Variants in KCTD20 observed in about 807,000 individuals in gnomAD.
The protein encoded by KCTD20 is BTB/POZ domain-containing protein KCTD20.
A neutral mutation model predicts 39.6 loss-of-function variants in KCTD20; 30 were observed. That is an observed-to-expected ratio of 0.76 (90% CI 0.57 to 1.03). The LOEUF (loss-of-function observed/expected upper bound fraction) is 1.03, where lower values mean the gene tolerates loss of function less well. KCTD20 is among the 50% of genes least tolerant of loss of function. KCTD20 has a pLI of 0.00. For synonymous variants in KCTD20, 162 were observed against 180.6 expected (o/e 0.90, Z 0.83); for missense variants, 422 against 522.0 (o/e 0.81, Z 1.87).
intron 1 of KCTD20, among the ~76,000 whole-genome samples, chr6:36,446,669 A>T (rs917029828): frequency 2.0e-5 from 3 of 152,218 alleles, no homozygotes; most frequent in African/African-American, 4.8e-5. Context: ...GACTCATCTA[A>T]CTACTAACCT....
intron 2 of KCTD20, 144 bp downstream of exon 2, chr6:36,470,401 C>T: frequency 1.4e-6 from 1 of 726,744 alleles, no homozygotes; most frequent in Non-Finnish European, 2.2e-6. Flanking sequence ...ATAAAGCTGA[C>T]CTTCACAGAA....
chr6:36,443,519 A>G (rs1459338869), intron 1 of KCTD20: 1 of 152,204 alleles, frequency 6.6e-6, no homozygotes, highest in Non-Finnish European at 1.5e-5. Flanking sequence ...AATTGGCTCC[A>G]TTAAAAATTA....
intron 1 of KCTD20, among the ~76,000 whole-genome samples, chr6:36,456,628 T>C (rs1469547290): frequency 1.4e-5 from 2 of 147,872 alleles, no homozygotes; most frequent in Non-Finnish European, 3.0e-5. Flanking sequence ...TGCTCTGTTA[T>C]CCACGGTGGC....
At chr6:36,479,328 TC>T in intron 4 of KCTD20, 105 bp downstream of exon 4, 2 of 828,658 alleles carry the variant, frequency 2.4e-6, no homozygotes, top group Non-Finnish European at 3.8e-6. Context: ...GTCTCTGGTT[TC>T]CAGTTGTTTC....
At chr6:36,472,504 CAA>C (rs1236929646) in intron 2 of KCTD20, among the ~76,000 whole-genome samples, 3 of 151,138 alleles carry the variant, frequency 2.0e-5, no homozygotes, top group African/African-American at 4.9e-5. Context: ...ATTTTATAAA[CAA>C]GAGGAATGGG....
At chr6:36,464,058 A>G (rs1213420682) in intron 1 of KCTD20, among the ~76,000 whole-genome samples, 1 of 152,258 alleles carries the variant, frequency 6.6e-6, no homozygotes, top group Non-Finnish European at 1.5e-5. Context: ...CAGAACATAT[A>G]GAGAAAAAAT....
intron 1 of KCTD20, among the ~76,000 whole-genome samples, chr6:36,468,666 C>T (rs1172779183): frequency 6.6e-6 from 1 of 152,166 alleles, no homozygotes; most frequent in African/African-American, 2.4e-5. Context: ...AATCACCAAA[C>T]ATCAATTTTA....
chr6:36,473,729 C>T (rs1775980231), intron 2 of KCTD20, among the ~76,000 whole-genome samples: 1 of 151,638 alleles, frequency 6.6e-6, no homozygotes, highest in Non-Finnish European at 1.5e-5. Context: ...GCTGAGATCG[C>T]GCCACTGCAC....
At position 36,475,449 on chromosome 6, in the gene KCTD20, C is replaced by CA. The variant is rs1195924698; in HGVS notation, c.434+400dup. 2.3e-3 allele frequency among the ~76,000 whole-genome samples: 280 copies of CA among 119,858 alleles called. 1 individual carries two copies. Among genetic ancestry groups the CA allele is most frequent in the African/African-American group, 5.3e-3 (169 of 32,126 alleles). 78.6% of individuals were successfully genotyped at this position (119,858 alleles called of 152,430 possible). A position where few individuals can be genotyped will look rare whatever the true frequency, so the allele number is the denominator to read the frequency against. On this transcript the variant is annotated intron_variant, in intron 3 of 7. Transcript: ENST00000373731. Reference sequence around the variant, plus strand: ...GGGTGACAGAGCAAGACTCCCGTCTCAAAAAAAAAAAAAGCATTGTATTAT... The same window carrying CA: ...GGGTGACAGAGCAAGACTCCCGTCTCAAAAAAAAAAAAAAGCATTGTATTAT...
chr6:36,486,042 C>A (rs1182672159), intron 7 of KCTD20, among the ~76,000 whole-genome samples: 2 of 152,036 alleles, frequency 1.3e-5, no homozygotes, highest in Non-Finnish European at 2.9e-5. Flanking sequence ...GTAGCAGAGA[C>A]CACAGGCATG....
At chr6:36,456,436 A>G (rs945203768) in intron 1 of KCTD20, among the ~76,000 whole-genome samples, 2 of 151,912 alleles carry the variant, frequency 1.3e-5, no homozygotes, top group Non-Finnish European at 2.9e-5. Flanking sequence ...CCGTCACCAC[A>G]TCCAGCTAAT....
intron 1 of KCTD20, among the ~76,000 whole-genome samples, chr6:36,444,042 C>T (rs540965768): frequency 6.6e-6 from 1 of 152,246 alleles, no homozygotes; most frequent in Admixed American, 6.5e-5. Context: ...GCTCAAGGCC[C>T]CCACCTGAAA....
chr6:36,480,410 CTTTTTTTTTTTT>C (rs550520667), intron 5 of KCTD20, among the ~76,000 whole-genome samples: 1 of 121,802 alleles, frequency 8.2e-6, no homozygotes, highest in East Asian at 2.2e-4. Flanking sequence ...ATGATATTGC[CTTTTTTTTTTTT>C]TTTTTTTTTT....
At chr6:36,448,777 C>T (rs1346103580) in intron 1 of KCTD20, among the ~76,000 whole-genome samples, 2 of 152,154 alleles carry the variant, frequency 1.3e-5, no homozygotes, top group African/African-American at 2.4e-5. Flanking sequence ...CGGAGCCTCG[C>T]GGTGAGTGTT....
chr6:36,446,184 G>C (rs1007021532), intron 1 of KCTD20, among the ~76,000 whole-genome samples: 1 of 151,836 alleles, frequency 6.6e-6, no homozygotes, highest in East Asian at 1.9e-4. Flanking sequence ...CCGCTACCAT[G>C]CCCGGCTAAT....
At chr6:36,481,870 C>T (rs555388823) in intron 6 of KCTD20, 111 bp downstream of exon 6, 7 of 878,380 alleles carry the variant, frequency 8.0e-6, no homozygotes, top group African/African-American at 6.6e-5. Flanking sequence ...GTGATGAGCA[C>T]ACTCACCTGG....
At chr6:36,472,135 A>G (rs1775930232) in intron 2 of KCTD20, among the ~76,000 whole-genome samples, 2 of 152,204 alleles carry the variant, frequency 1.3e-5, no homozygotes, top group South Asian at 4.1e-4. Flanking sequence ...GGCGTGAGCC[A>G]CGGCGCCCGG....
intron 5 of KCTD20, among the ~76,000 whole-genome samples, chr6:36,481,008 C>T (rs139725234): frequency 1.3e-5 from 2 of 152,354 alleles, no homozygotes; most frequent in African/African-American, 4.8e-5. Context: ...GATTGTCTGA[C>T]TGCAAACTCC....
intron 2 of KCTD20, among the ~76,000 whole-genome samples, chr6:36,474,096 T>C (rs992014931): frequency 6.6e-6 from 1 of 152,176 alleles, no homozygotes; most frequent in East Asian, 1.9e-4. Context: ...TGTTTTATTA[T>C]AAGTTTTAGG....
Sources: gnomAD v4.1 joint callset for allele counts (sites outside exome capture counted in the v4.1 genomes callset) on GRCh38, gnomAD v4.1.1 for gene constraint, MANE v1.5 for transcripts, NCBI Gene and HGNC (gene_info 2026-07-23, HGNC 2026-07-21) for gene names.